C6orf58: variants seen among roughly 807,000 people sequenced by gnomAD.
C6orf58 encodes the protein protein LEG1 homolog.
C6orf58 carries 30 observed loss-of-function variants against 37.0 expected under a neutral mutation model. The ratio of observed to expected loss-of-function variants is 0.81; its 90% CI spans 0.61 to 1.10. The LOEUF (loss-of-function observed/expected upper bound fraction) is 1.10. Among genes scored for constraint, C6orf58 ranks in the 50% least tolerant of loss-of-function variants. The pLI is 0.00. For synonymous variants in C6orf58, 143 were observed against 134.1 expected, an observed-to-expected ratio of 1.07 and a Z score of -0.46; for missense variants, 368 against 387.5, an observed-to-expected ratio of 0.95 and a Z score of 0.42.
At chr6:127,577,698 A>G (rs771895822) in intron 1 of C6orf58, among the ~76,000 whole-genome samples, 4 of 152,136 alleles carry the variant, frequency 2.6e-5, no homozygotes, top group Admixed American at 6.6e-5. Flanking sequence ...AGAAGCTTCA[A>G]TGAGGCATAA....
At chr6:127,590,502 T>C (rs1775150924) in intron 5 of C6orf58, among the ~76,000 whole-genome samples, 177 bp downstream of exon 5, 1 of 152,168 alleles carries the variant, frequency 6.6e-6, no homozygotes, top group African/African-American at 2.4e-5. Context: ...AACCATTTAA[T>C]GAGCACACAT....
chr6:127,578,004 A>C (rs1465353721), intron 1 of C6orf58, among the ~76,000 whole-genome samples: 1 of 152,104 alleles, frequency 6.6e-6, no homozygotes, highest in African/African-American at 2.4e-5. Flanking sequence ...TTTTGGGATA[A>C]AATATACATG....
intron 4 of C6orf58, among the ~76,000 whole-genome samples, chr6:127,581,508 A>G (rs1441976701): frequency 7.2e-6 from 1 of 139,488 alleles, no homozygotes; most frequent in African/African-American, 3.2e-5. Context: ...GCCTTGCATG[A>G]AAAAACAAAA....
chr6:127,577,422 A>G lies in C6orf58; in HGVS notation c.237A>G (p.Ala79=). 1 of 1,613,736 alleles carries G rather than the reference A, an allele frequency of 6.2e-7. No individual in the cohort carries two copies. Among genetic ancestry groups the G allele is most frequent in the East Asian group, 2.2e-5 (1 of 44,878 alleles). Residue 79 remains alanine, a synonymous_variant, in exon 1 of 6, where the codon GCA becomes GCG. Coordinates refer to ENST00000329722, the MANE Select transcript of C6orf58 (RefSeq NM_001010905.3). ...NQTARYFAKF[A]PDNEQNILWG... is the part of the protein sequence containing the mutation. ...CAGCCAGGTATTTTGCAAAATTTGC[A>G]CCAGATAATGAACAGAATATTTTAT... is the stretch of plus-strand genomic sequence containing the variant.
intron 4 of C6orf58, among the ~76,000 whole-genome samples, chr6:127,587,092 T>A (rs934630267): frequency 1.3e-5 from 2 of 152,188 alleles, no homozygotes; most frequent in African/African-American, 4.8e-5. Context: ...GAATTTAATT[T>A]TCTTGATTCT....
At chr6:127,586,458 A>G (rs1417682360) in intron 4 of C6orf58, among the ~76,000 whole-genome samples, 1 of 151,868 alleles carries the variant, frequency 6.6e-6, no homozygotes, top group Non-Finnish European at 1.5e-5. Flanking sequence ...GTAAGGTGCA[A>G]ATTCCCTGTG....
intron 4 of C6orf58, among the ~76,000 whole-genome samples, chr6:127,583,349 A>T (rs538797891): frequency 6.6e-6 from 1 of 152,336 alleles, no homozygotes; most frequent in South Asian, 2.1e-4. Flanking sequence ...GAAGTAATTG[A>T]GTATGAAATC....
At chr6:127,586,794 AT>A (rs1193547011) in intron 4 of C6orf58, among the ~76,000 whole-genome samples, 1 of 152,158 alleles carries the variant, frequency 6.6e-6, no homozygotes, top group Non-Finnish European at 1.5e-5. Context: ...TCAGTATATC[AT>A]TTACACTTAT....
chr6:127,590,894 A>G (rs1775155796), intron 5 of C6orf58, among the ~76,000 whole-genome samples: 2 of 152,150 alleles, frequency 1.3e-5, no homozygotes, highest in African/African-American at 4.8e-5. Context: ...CCCATTTGCC[A>G]TACATGAACT....
At chr6:127,590,832 T>C (rs1053521425) in intron 5 of C6orf58, among the ~76,000 whole-genome samples, 1 of 151,682 alleles carries the variant, frequency 6.6e-6, no homozygotes, top group Non-Finnish European at 1.5e-5. Flanking sequence ...TCTAGTGAGG[T>C]AAAAAAAACA....
At chr6:127,579,726 G>A (rs137982776) in intron 2 of C6orf58, among the ~76,000 whole-genome samples, 1 of 151,956 alleles carries the variant, frequency 6.6e-6, no homozygotes, top group African/African-American at 2.4e-5. Context: ...CAGTCTAATG[G>A]TCTATTGTCA....
chr6:127,588,442 A>G (rs932350006), intron 4 of C6orf58, among the ~76,000 whole-genome samples: 1 of 152,196 alleles, frequency 6.6e-6, no homozygotes, highest in African/African-American at 2.4e-5. Flanking sequence ...ACAACCCTAA[A>G]AGCTCATCAA....
chr6:127,579,889 C>T (rs182703495), intron 2 of C6orf58, among the ~76,000 whole-genome samples: 40 of 152,070 alleles, frequency 2.6e-4, no homozygotes, highest in Non-Finnish European at 5.9e-4. Flanking sequence ...AATACAAGTA[C>T]AATTCACAAT....
intron 4 of C6orf58, among the ~76,000 whole-genome samples, chr6:127,581,922 A>C (rs935334780): frequency 6.6e-6 from 1 of 152,198 alleles, no homozygotes; most frequent in Non-Finnish European, 1.5e-5. Flanking sequence ...TATTTGTTAC[A>C]AGAAAATACT....
At chr6:127,582,146 A>G (rs1301415195) in intron 4 of C6orf58, among the ~76,000 whole-genome samples, 2 of 152,134 alleles carry the variant, frequency 1.3e-5, no homozygotes, top group African/African-American at 4.8e-5. Flanking sequence ...ACAGTTCACA[A>G]ATCAGGACAG....
Position 127,590,265 on chromosome 6 carries a change from G to C in C6orf58, c.853G>C (p.Ala285Pro). ...AGCCCCTTTCATCAGTGACTTTACT[G>C]CTTTTCAGAATGTAGTCCTGGTTCT... ...DVAPFISDFT[A>P]FQNVVLVLLN... Residue 285 changes from alanine to proline, a missense_variant, in exon 5 of 6, where the codon GCT becomes CCT. By Grantham distance (27) the Ala-to-Pro change is conservative (BLOSUM62 -1). Coordinates refer to ENST00000329722, the MANE Select transcript of C6orf58 (RefSeq NM_001010905.3). The C allele has an allele frequency of 6.2e-7, 1 of 1,613,340 alleles. No homozygotes were observed. Among genetic ancestry groups the C allele is most frequent in the Non-Finnish European group, 8.5e-7 (1 of 1,179,762 alleles).
intron 4 of C6orf58, among the ~76,000 whole-genome samples, chr6:127,582,636 T>A (rs1775062426): frequency 6.6e-6 from 1 of 152,202 alleles, no homozygotes. Flanking sequence ...TTTCTAAGCA[T>A]AACCTCCTTT....
chr6:127,590,073 C>G lies in C6orf58; in HGVS notation c.675-14C>G, dbSNP rs751436936. 14 of 1,562,978 alleles carry G rather than the reference C, an allele frequency of 9.0e-6. No individual in the cohort carries two copies. The highest frequency in any genetic ancestry group is 1.4e-5 in the African/African-American group (1 of 73,534). Reference sequence around the variant, plus strand: ...GACTAATTATAATTAAATACTTTTCCGTTTGTCTTTTAGATATGATTATTA... The same window carrying G: ...GACTAATTATAATTAAATACTTTTCGGTTTGTCTTTTAGATATGATTATTA... On this transcript the variant is annotated splice_polypyrimidine_tract_variant and intron_variant, in intron 4 of 5. Transcript: ENST00000329722.
At chr6:127,585,745 ATAAT>A (rs530423283) in intron 4 of C6orf58, among the ~76,000 whole-genome samples, 92 of 152,322 alleles carry the variant, frequency 6.0e-4, no homozygotes, top group Middle Eastern at 3.4e-3. Flanking sequence ...AAACGTATAA[ATAAT>A]TCTCTTCTAA....
Sources: allele counts gnomAD v4.1 joint callset (sites outside exome capture counted in the v4.1 genomes callset), GRCh38; gene constraint gnomAD v4.1.1; transcripts MANE v1.5; gene names NCBI Gene and HGNC (gene_info 2026-07-23, HGNC 2026-07-21).